GNE: variants seen among roughly 807,000 people sequenced by gnomAD.
GNE encodes the protein glucosamine (UDP-N-acetyl)-2-epimerase/N-acetylmannosamine kinase, also known as bifunctional UDP-N-acetylglucosamine 2-epimerase/N-acetylmannosamine kinase.
GNE carries 41 observed loss-of-function variants against 61.8 expected under a neutral mutation model. The ratio of observed to expected loss-of-function variants is 0.66; its 90% CI spans 0.52 to 0.86. The LOEUF (loss-of-function observed/expected upper bound fraction) is 0.86, where lower values mean the gene tolerates loss of function less well. Among genes scored for constraint, GNE ranks in the 40% least tolerant of loss-of-function variants. The pLI is 0.00. For missense variants in GNE, 608 were observed against 909.1 expected, an observed-to-expected ratio of 0.67 and a Z score of 4.26; for synonymous variants, 264 against 326.4, an observed-to-expected ratio of 0.81 and a Z score of 2.06.
intron 1 of GNE, among the ~76,000 whole-genome samples, chr9:36,265,864 G>A (rs946573761): frequency 6.6e-6 from 1 of 152,216 alleles, no homozygotes; most frequent in Non-Finnish European, 1.5e-5. Context: ...ACAGGAGGAG[G>A]AATGTAGACG....
intron 1 of GNE, among the ~76,000 whole-genome samples, chr9:36,254,883 CGGA>C (rs1830264852): frequency 6.6e-6 from 1 of 151,592 alleles, no homozygotes; most frequent in Admixed American, 6.6e-5. Context: ...ACCCGGGAGG[CGGA>C]GGTTGCAGTG....
intron 9 of GNE, among the ~76,000 whole-genome samples, chr9:36,221,467 T>A: frequency 6.6e-6 from 1 of 152,198 alleles, no homozygotes. Context: ...AATCAAGTTA[T>A]ACACTTAAAA....
chr9:36,226,184 G>GT (rs1041238299), intron 7 of GNE, among the ~76,000 whole-genome samples: 3 of 151,910 alleles, frequency 2.0e-5, no homozygotes, highest in African/African-American at 7.3e-5. Flanking sequence ...TTTTTGTTTT[G>GT]TTTTTTGAGA....
intron 1 of GNE, among the ~76,000 whole-genome samples, chr9:36,252,382 CT>C (rs1019725433): frequency 6.6e-6 from 1 of 152,076 alleles, no homozygotes; most frequent in Non-Finnish European, 1.5e-5. Flanking sequence ...CAAATTTGAG[CT>C]GAAAAAATTG....
rs763057654 is a variant in GNE, at chr9:36,249,333, C to T, written c.23G>A (p.Arg8Gln). Reference protein sequence around the residue: MEKNGNNRKLRVCVATCN... With the variant: MEKNGNNQKLRVCVATCN... Reference sequence around the variant, plus strand: ...AGTAGCAACACAAACCCGCAGCTTTCGGTTATTTCCATTCTTCTCCATGAT... The same window carrying T: ...AGTAGCAACACAAACCCGCAGCTTTTGGTTATTTCCATTCTTCTCCATGAT... The change falls in exon 2 of 12, where the codon CGA (arginine) becomes CAA (glutamine). Residue 8 changes from arginine to glutamine, a missense_variant. Transcript: ENST00000642385. The T allele has an allele frequency of 5.5e-5, 88 of 1,613,742 alleles. No individual in the cohort carries two copies. The highest frequency in any genetic ancestry group is 6.5e-5 in the Non-Finnish European group (77 of 1,179,784).
intron 1 of GNE, chr9:36,268,045 G>A (rs920522803): frequency 6.6e-6 from 1 of 151,596 alleles, no homozygotes; most frequent in East Asian, 2.0e-4. Context: ...AAGCTGAAGC[G>A]GGAGGATCGC....
At chr9:36,274,889 A>T (rs971766044) in intron 1 of GNE, among the ~76,000 whole-genome samples, 2 of 151,662 alleles carry the variant, frequency 1.3e-5, no homozygotes, top group African/African-American at 4.8e-5. Flanking sequence ...TGCCCGGCTA[A>T]TTTTTTTTGT....
chr9:36,269,388 A>G (rs1463496046), intron 1 of GNE, among the ~76,000 whole-genome samples: 2 of 151,462 alleles, frequency 1.3e-5, no homozygotes, highest in Admixed American at 6.6e-5. Flanking sequence ...GGTAATTCCT[A>G]GGATACATAC....
intron 10 of GNE, 103 bp downstream of exon 10, chr9:36,219,735 G>T: frequency 1.9e-6 from 2 of 1,054,514 alleles, no homozygotes; most frequent in Non-Finnish European, 2.9e-6. Context: ...GAAGTGAAAA[G>T]GGGGAAACTT....
chr9:36,220,125 A>T, intron 9 of GNE, 105 bp from the exon 10 acceptor site: 1 of 920,854 alleles, frequency 1.1e-6, no homozygotes, highest in Non-Finnish European at 1.8e-6. Flanking sequence ...GTGAGGGTCT[A>T]TAGATACTTC....
chr9:36,226,954 C>A (rs1010730110), intron 7 of GNE, among the ~76,000 whole-genome samples: 1 of 152,160 alleles, frequency 6.6e-6, no homozygotes, highest in Non-Finnish European at 1.5e-5. Context: ...AAGCTGTTAC[C>A]AAGTATAGAA....
chr9:36,219,785 G>C (rs1350035106), intron 10 of GNE, 53 bp downstream of exon 10: 5 of 1,475,596 alleles, frequency 3.4e-6, no homozygotes, highest in Non-Finnish European at 3.8e-6. Flanking sequence ...TTTCCACTTT[G>C]AAGTACTTGT....
At position 36,239,390 on chromosome 9, in the gene GNE, C is replaced by T. The variant is rs142418267; in HGVS notation, c.617-2406G>A. Among the ~76,000 whole-genome samples, 477 of 152,162 alleles carry T rather than the reference C, an allele frequency of 3.1e-3. 4 individuals are homozygous for T. The highest frequency in any genetic ancestry group is 5.3e-3 in the Non-Finnish European group (361 of 68,008). ...TGGGATGTGTTTCGCAGTATCAGCT[C>T]TACCCATCCATGAGCATGGGATGTG... On this transcript the variant is annotated intron_variant, in intron 3 of 11. Coordinates refer to ENST00000642385, the MANE Select transcript of GNE (RefSeq NM_005476.7).
chr9:36,265,242 G>T, intron 1 of GNE: 1 of 379,750 alleles, frequency 2.6e-6, no homozygotes, highest in Non-Finnish European at 5.3e-6. Context: ...TCTTCCAATA[G>T]AGCTATAACA....
At chr9:36,276,418 A>G (rs187803433) in intron 1 of GNE, among the ~76,000 whole-genome samples, 44 of 152,324 alleles carry the variant, frequency 2.9e-4, no homozygotes, top group African/African-American at 8.7e-4. Flanking sequence ...ATACTAATTA[A>G]CTTGGAGTAA....
At position 36,217,163 on chromosome 9, in the gene GNE, C is replaced by T. The variant is rs1828351105; in HGVS notation, c.*202G>A. ...GCTAAAATGACCCCTAGTAAGAAGA[C>T]ATCAGAAAGAATAGCATCTACAAAA... On this transcript the variant is annotated 3_prime_UTR_variant, in exon 12 of 12. Coordinates refer to ENST00000642385, the MANE Select transcript of GNE (RefSeq NM_005476.7). 1.7e-6 allele frequency: 1 copy of T among 605,520 alleles called. No individual in the cohort carries two copies. The highest frequency in any genetic ancestry group is 3.0e-6 in the Non-Finnish European group (1 of 338,632). 37.5% of individuals were successfully genotyped at this position (605,520 alleles called of 1,614,324 possible). A position where few individuals can be genotyped will look rare whatever the true frequency, so the allele number is the denominator to read the frequency against.
intron 5 of GNE, among the ~76,000 whole-genome samples, chr9:36,232,392 A>T (rs1829210429): frequency 6.8e-6 from 1 of 147,044 alleles, no homozygotes; most frequent in Non-Finnish European, 1.5e-5. Context: ...TCTTTCCAAA[A>T]TGCAACTCTT....
At chr9:36,254,815 G>T (rs1830262126) in intron 1 of GNE, among the ~76,000 whole-genome samples, 1 of 152,036 alleles carries the variant, frequency 6.6e-6, no homozygotes, top group Non-Finnish European at 1.5e-5. Context: ...AGCCAGGCAT[G>T]GTGGCAGGCG....
In GNE at chr9:36,216,129, TGATA is replaced by T; in HGVS notation, c.*1232_*1235del. The T allele has an allele frequency of 5.9e-6, 2 of 339,370 alleles. No homozygotes were observed. The highest frequency in any genetic ancestry group is 1.2e-5 in the Non-Finnish European group (2 of 163,532). The allele number at this position is 339,370 out of a possible 1,614,324, so 21.0% of individuals were successfully genotyped here. A position where few individuals can be genotyped will look rare whatever the true frequency, so the allele number is the denominator to read the frequency against. The stretch of plus-strand genomic sequence containing the variant: ...AGGGGGGATATCTGAGATGGGGGAG[TGATA>T]GATATGTCCAGTGTCTTGATTGTGG... On this transcript the variant is annotated 3_prime_UTR_variant, in exon 12 of 12. Coordinates refer to ENST00000642385, the MANE Select transcript of GNE (RefSeq NM_005476.7).
Sources: allele counts gnomAD v4.1 joint callset (sites outside exome capture counted in the v4.1 genomes callset), GRCh38; gene constraint gnomAD v4.1.1; transcripts MANE v1.5; gene names NCBI Gene and HGNC (gene_info 2026-07-23, HGNC 2026-07-21).